Variants in TCF4 observed in about 807,000 individuals in gnomAD.
The protein encoded by TCF4 is transcription factor 4.
A neutral mutation model predicts 82.1 loss-of-function variants in TCF4; 3 were observed. The observed-to-expected ratio is 0.04, with a 90% CI of 0.02 to 0.09. TCF4 has a LOEUF of 0.09. Ranked by LOEUF, TCF4 falls within the 10% of genes least tolerant of loss-of-function variation. The pLI is 1.00. For missense variants in TCF4, 518 were observed against 852.7 expected (o/e 0.61, Z 4.89); for synonymous variants, 276 against 309.6 (o/e 0.89, Z 1.14).
At chr18:55,548,374 T>C (rs1229816200) in intron 3 of TCF4, among the ~76,000 whole-genome samples, 1 of 152,224 alleles carries the variant, frequency 6.6e-6, no homozygotes, top group Admixed American at 6.5e-5. Context: ...GTCAGAATAA[T>C]TTATTCCTTC....
chr18:55,286,356 A>ACTGCC (rs1176749645), intron 8 of TCF4, among the ~76,000 whole-genome samples: 1 of 146,298 alleles, frequency 6.8e-6, no homozygotes, highest in Non-Finnish European at 1.5e-5. Flanking sequence ...TTTCACATCT[A>ACTGCC]CTGCCCTCTG....
At chr18:55,306,652 G>GAGAAGACC (rs1319640369) in intron 8 of TCF4, among the ~76,000 whole-genome samples, 1 of 152,200 alleles carries the variant, frequency 6.6e-6, no homozygotes, top group African/African-American at 2.4e-5. Flanking sequence ...ACAGAATTCA[G>GAGAAGACC]AGAAGACCAG....
chr18:55,621,647 A>G (rs1174718950), intron 2 of TCF4, among the ~76,000 whole-genome samples: 1 of 17,354 alleles, frequency 5.8e-5, no homozygotes, highest in African/African-American at 6.5e-4. Flanking sequence ...TATATAATAT[A>G]CATTATATAA....
chr18:55,543,853 A>AT (rs1281170060), intron 3 of TCF4, among the ~76,000 whole-genome samples: 1 of 152,206 alleles, frequency 6.6e-6, no homozygotes, highest in East Asian at 1.9e-4. Context: ...TGAAAAACAG[A>AT]TATGTATGTT....
At chr18:55,230,674 T>G (rs573549868) in intron 17 of TCF4, 1 of 152,034 alleles carries the variant, frequency 6.6e-6, no homozygotes, top group East Asian at 1.9e-4. Context: ...CATTTCGGAG[T>G]TGGAAGATGT....
At chr18:55,351,871 CAA>C (rs1381146375) in intron 6 of TCF4, 1 of 906,336 alleles carries the variant, frequency 1.1e-6, no homozygotes, top group African/African-American at 1.8e-5. Flanking sequence ...TGCAATAAAA[CAA>C]GAGTAGATAG....
At chr18:55,510,670 TAAA>T in intron 3 of TCF4, 1 of 1,487,270 alleles carries the variant, frequency 6.7e-7, no homozygotes, top group Non-Finnish European at 8.9e-7. Context: ...CGTAAACTTT[TAAA>T]GTTTGTGAAC....
intron 8 of TCF4, chr18:55,332,426 C>T (rs1402260954): frequency 6.6e-6 from 1 of 152,074 alleles, no homozygotes; most frequent in African/African-American, 2.4e-5. Context: ...TGGCTGATTC[C>T]ATCTGTATAT....
intron 15 of TCF4, among the ~76,000 whole-genome samples, chr18:55,244,190 C>G (rs2052286597): frequency 6.6e-6 from 1 of 152,164 alleles, no homozygotes; most frequent in African/African-American, 2.4e-5. Context: ...TTTAGTGGTT[C>G]CACATGTTTT....
chr18:55,386,940 T>C (rs1189153941), intron 6 of TCF4, among the ~76,000 whole-genome samples: 1 of 152,228 alleles, frequency 6.6e-6, no homozygotes. Context: ...TTTGCCAATG[T>C]GTCCATTTCC....
chr18:55,500,156 T>G (rs547833201), intron 3 of TCF4, among the ~76,000 whole-genome samples: 1 of 152,216 alleles, frequency 6.6e-6, no homozygotes, highest in South Asian at 2.1e-4. Context: ...CACTCCAGCC[T>G]GGGCGACAGA....
chr18:55,477,918 A>G (rs2096330610), intron 3 of TCF4, among the ~76,000 whole-genome samples: 1 of 152,110 alleles, frequency 6.6e-6, no homozygotes, highest in Admixed American at 6.5e-5. Context: ...TCTGATAACT[A>G]GTGGAATACC....
At chr18:55,282,286 A>T (rs1413522499) in intron 8 of TCF4, among the ~76,000 whole-genome samples, 1 of 152,098 alleles carries the variant, frequency 6.6e-6, no homozygotes, top group African/African-American at 2.4e-5. Context: ...GAATAATGAA[A>T]TGGTCACAGA....
At chr18:55,254,415 T>TA (rs1305469182) in intron 15 of TCF4, 82 bp downstream of exon 15, 7 of 1,384,982 alleles carry the variant, frequency 5.1e-6, no homozygotes, top group Non-Finnish European at 7.0e-6. Context: ...GCTGATTTTT[T>TA]AAAAAACAGC....
chr18:55,365,235 ATATATATGTGTGTG>A (rs2086683451), intron 6 of TCF4, among the ~76,000 whole-genome samples: 1 of 130,196 alleles, frequency 7.7e-6, no homozygotes, highest in Admixed American at 7.6e-5. Context: ...GTGTGTGTGT[ATATATATGTGTGTG>A]TATATATATA....
intron 3 of TCF4, among the ~76,000 whole-genome samples, chr18:55,511,108 G>A (rs138582387): frequency 6.6e-6 from 1 of 152,162 alleles, no homozygotes; most frequent in Non-Finnish European, 1.5e-5. Flanking sequence ...ATAATATCCT[G>A]TTGATGTCTG....
intron 8 of TCF4, among the ~76,000 whole-genome samples, chr18:55,298,922 C>T (rs918936785): frequency 1.6e-4 from 24 of 152,038 alleles, no homozygotes; most frequent in African/African-American, 4.3e-4. Flanking sequence ...TATAAAGATA[C>T]GGCCAATTTT....
At chr18:55,358,998 T>C (rs2041124031) in intron 6 of TCF4, among the ~76,000 whole-genome samples, 1 of 152,234 alleles carries the variant, frequency 6.6e-6, no homozygotes, top group Admixed American at 6.5e-5. Context: ...AAAATCTTAC[T>C]ATATACTAAT....
intron 8 of TCF4, among the ~76,000 whole-genome samples, chr18:55,308,532 G>A (rs1218609614): frequency 2.6e-5 from 4 of 152,196 alleles, no homozygotes; most frequent in African/African-American, 9.6e-5. Flanking sequence ...CCCGTATGGT[G>A]GATGTGACAC....
Sources: allele counts gnomAD v4.1 joint callset (sites outside exome capture counted in the v4.1 genomes callset), GRCh38; gene constraint gnomAD v4.1.1; transcripts MANE v1.5; gene names NCBI Gene and HGNC (gene_info 2026-07-23, HGNC 2026-07-21).